BCAS3: variants seen among roughly 807,000 people sequenced by gnomAD.
BCAS3 encodes the protein BCAS4/BCAS3 fusion.
In BCAS3, 53 loss-of-function variants were observed where a neutral mutation model predicts 116.1. The observed-to-expected ratio is 0.46, with a 90% CI of 0.37 to 0.57. BCAS3 has a LOEUF of 0.57. Among genes scored for constraint, BCAS3 ranks in the 20% least tolerant of loss-of-function variants. BCAS3 has a pLI of 0.00. For synonymous variants in BCAS3, 391 were observed against 408.2 expected, an observed-to-expected ratio of 0.96 and a Z score of 0.51; for missense variants, 917 against 1,165.4, an observed-to-expected ratio of 0.79 and a Z score of 3.10.
intron 16 of BCAS3, among the ~76,000 whole-genome samples, chr17:61,025,006 G>T (rs988926742): frequency 6.6e-6 from 1 of 152,004 alleles, no homozygotes; most frequent in African/African-American, 2.4e-5. Flanking sequence ...GTTAGTTCAG[G>T]TGTCTTGCCT....
At chr17:60,779,353 C>T (rs375860119) in intron 6 of BCAS3, among the ~76,000 whole-genome samples, 12 of 151,426 alleles carry the variant, frequency 7.9e-5, no homozygotes, top group Non-Finnish European at 1.5e-4. Context: ...GCATATGAAA[C>T]GTAAGTTATT....
chr17:61,290,211 C>G (rs2052250834), intron 22 of BCAS3, among the ~76,000 whole-genome samples: 1 of 152,092 alleles, frequency 6.6e-6, no homozygotes, highest in Non-Finnish European at 1.5e-5. Context: ...GCAGCTGCAC[C>G]CATGTCAAAT....
At chr17:61,086,679 C>A (rs2073117941) in intron 22 of BCAS3, 2 of 985,122 alleles carry the variant, frequency 2.0e-6, no homozygotes, top group Non-Finnish European at 2.4e-6. Flanking sequence ...GGTGGCTAAG[C>A]TTTATTATTA....
intron 22 of BCAS3, among the ~76,000 whole-genome samples, chr17:61,336,838 C>T (rs768145864): frequency 6.6e-6 from 1 of 152,102 alleles, no homozygotes; most frequent in Admixed American, 6.6e-5. Flanking sequence ...TCTGGCCAGG[C>T]GTGGTGGCTC....
At position 61,171,090 on chromosome 17, in the gene BCAS3, C is replaced by A. The variant is rs1187942677; in HGVS notation, c.2425+86526C>A. 6.6e-6 allele frequency among the ~76,000 whole-genome samples: 1 copy of A among 152,030 alleles called. No homozygotes were observed. Among genetic ancestry groups the A allele is most frequent in the Non-Finnish European group, 1.5e-5 (1 of 68,024 alleles). ...CAAAATTTCCTCTAAATTCCTGTAGCCTTCCTTGCTTAAAAAAAAGCAAGA... is the reference window on the plus strand; with the variant it reads ...CAAAATTTCCTCTAAATTCCTGTAGACTTCCTTGCTTAAAAAAAAGCAAGA... On this transcript the variant is annotated intron_variant, in intron 22 of 23. Coordinates refer to ENST00000407086, the MANE Select transcript of BCAS3 (RefSeq NM_017679.5). This position sits in a 1 kb window ranked among gnomAD's most constrained non-coding sequence, Gnocchi z 4.1.
Position 61,065,748 on chromosome 17 carries a change from C to T in BCAS3, c.2030-9172C>T, listed in dbSNP as rs187962312. Among the ~76,000 whole-genome samples the T allele has an allele frequency of 1.4e-4, 22 of 152,228 alleles. No homozygotes were observed. The highest frequency in any genetic ancestry group is 2.4e-4 in the Non-Finnish European group (16 of 68,004). On this transcript the variant is annotated intron_variant, in intron 19 of 23. Coordinates refer to ENST00000407086, the MANE Select transcript of BCAS3 (RefSeq NM_017679.5). This position sits in a 1 kb window ranked among gnomAD's most constrained non-coding sequence, Gnocchi z 4.8. ...ACAAAAACTGTGTCTGGTCCTGAAT[C>T]TGAAGAATTCCACTGCCCATATAAA...
chr17:60,760,322 GGTATGT>G (rs2043399880), intron 6 of BCAS3, among the ~76,000 whole-genome samples: 1 of 151,942 alleles, frequency 6.6e-6, no homozygotes. Flanking sequence ...TTCATGATAG[GGTATGT>G]GTTATTCTTT....
chr17:60,781,819 A>T (rs191765255), intron 6 of BCAS3, among the ~76,000 whole-genome samples: 5 of 152,270 alleles, frequency 3.3e-5, no homozygotes, highest in African/African-American at 9.6e-5. Flanking sequence ...AACAGTTGCT[A>T]TGTGCTTCTA....
intron 18 of BCAS3, among the ~76,000 whole-genome samples, chr17:61,038,331 G>T (rs189842283): frequency 5.4e-4 from 80 of 147,656 alleles, no homozygotes; most frequent in African/African-American, 1.9e-3. Context: ...AGGCTGGAGT[G>T]CAGTGGCGCG....
intron 4 of BCAS3, among the ~76,000 whole-genome samples, chr17:60,705,349 T>C (rs8075763): frequency 0.07 from 10,632 of 151,886 alleles, 1,243 homozygotes; most frequent in African/African-American, 0.24. Context: ...CGAAACCCTG[T>C]CTCTACTAAA....
intron 15 of BCAS3, among the ~76,000 whole-genome samples, chr17:60,999,639 T>A (rs899536444): frequency 6.6e-6 from 1 of 152,198 alleles, no homozygotes; most frequent in African/African-American, 2.4e-5. Flanking sequence ...TTGGGCTCTT[T>A]TTTGATTCCA....
intron 22 of BCAS3, among the ~76,000 whole-genome samples, chr17:61,225,791 C>T (rs1262428313): frequency 2.0e-5 from 3 of 152,170 alleles, no homozygotes; most frequent in African/African-American, 7.2e-5. Context: ...TCAGTTTACT[C>T]TCCCAGCTCC....
chr17:60,701,564 G>A (rs1339812483), intron 4 of BCAS3, among the ~76,000 whole-genome samples: 3 of 152,042 alleles, frequency 2.0e-5, no homozygotes, highest in East Asian at 1.9e-4. Context: ...ACTTGCAGAT[G>A]AACCACATAG....
In BCAS3 at chr17:61,339,054, C is replaced by G. The variant is rs910369600; in HGVS notation, c.2426-29273C>G. Among the ~76,000 whole-genome samples, 10 of 152,004 alleles carry G rather than the reference C, an allele frequency of 6.6e-5. No homozygotes were observed. Among genetic ancestry groups the G allele is most frequent in the African/African-American group, 2.4e-4 (10 of 41,378 alleles). ...TGGGAAAAAAAAAAATTCACAAAGA[C>G]CCATCTGCCTCTCCCATTTTCTCAT... On this transcript the variant is annotated intron_variant, in intron 22 of 23. Transcript: ENST00000407086. This position sits in a 1 kb window ranked among gnomAD's most constrained non-coding sequence, Gnocchi z 4.4.
rs182520075 is a variant in BCAS3, at chr17:61,150,303, C to T, written c.2425+65739C>T. On this transcript the variant is annotated intron_variant, in intron 22 of 23. Coordinates refer to ENST00000407086, the MANE Select transcript of BCAS3 (RefSeq NM_017679.5). ...GCCATGGCTGCTCTGATTTATGAAA[C>T]CCGATCAGGTTGCTGTTGGCAGTTT... 1.5e-3 allele frequency among the ~76,000 whole-genome samples: 229 copies of T among 152,304 alleles called. 1 individual carries two copies. The highest frequency in any genetic ancestry group is 5.2e-3 in the African/African-American group (217 of 41,554).
chr17:61,320,910 A>T (rs2144816583), intron 22 of BCAS3, among the ~76,000 whole-genome samples: 1 of 152,290 alleles, frequency 6.6e-6, no homozygotes, highest in South Asian at 2.1e-4. Flanking sequence ...CACGTGTGTA[A>T]TGTTTTACAA....
At chr17:61,174,788 A>C (rs768287529) in intron 22 of BCAS3, among the ~76,000 whole-genome samples, 1 of 152,180 alleles carries the variant, frequency 6.6e-6, no homozygotes, top group African/African-American at 2.4e-5. Context: ...GCTTCCCTAC[A>C]ATGCTCAAAC....
intron 6 of BCAS3, among the ~76,000 whole-genome samples, chr17:60,755,396 A>G (rs1463630699): frequency 6.6e-6 from 1 of 152,210 alleles, no homozygotes; most frequent in Non-Finnish European, 1.5e-5. Flanking sequence ...TTCACAGGTG[A>G]GGAGACTTAA....
chr17:61,174,178 C>T (rs2079011159), intron 22 of BCAS3, among the ~76,000 whole-genome samples: 1 of 152,132 alleles, frequency 6.6e-6, no homozygotes, highest in Non-Finnish European at 1.5e-5. Flanking sequence ...AATTTACTTT[C>T]AGCAATTTTG....
Sources: allele counts gnomAD v4.1 joint callset (sites outside exome capture counted in the v4.1 genomes callset), GRCh38; gene constraint gnomAD v4.1.1; non-coding constraint Gnocchi (gnomAD v3.1); transcripts MANE v1.5; gene names NCBI Gene and HGNC (gene_info 2026-07-23, HGNC 2026-07-21).